Variants in ZNF487 observed in about 807,000 individuals in gnomAD.
The protein encoded by ZNF487 is zinc finger protein 487, also known as KRAB domain only 1.
In ZNF487, 4 loss-of-function variants were observed where a neutral mutation model predicts 3.0. That is an observed-to-expected ratio of 1.35 (90% confidence interval 0.66 to 3.08). The LOEUF is 3.08. Among genes scored for constraint, ZNF487 ranks in the 30% most tolerant of loss-of-function variants. The pLI, the probability that ZNF487 is intolerant of heterozygous loss-of-function variation, is 0.01. For missense variants in ZNF487, 146 were observed against 98.7 expected (o/e 1.48, Z -2.03); for synonymous variants, 55 against 34.6 (o/e 1.59, Z -2.06).
At chr10:43,518,673 C>A in the ZNF487 span, among the ~76,000 whole-genome samples, 4,270 of 152,178 alleles carry the variant, frequency 0.028, 96 homozygotes, top group South Asian at 0.041. Context: ...CACAATTGTC[C>A]CATAATAACA....
At chr10:43,456,100 A>T (rs549421818) in intron 1 of ZNF487, among the ~76,000 whole-genome samples, 1 of 152,092 alleles carries the variant, frequency 6.6e-6, no homozygotes, top group Non-Finnish European at 1.5e-5. Flanking sequence ...TTCATAATGG[A>T]GGGCTGCGGG....
chr10:43,521,860 C>T, the ZNF487 span, among the ~76,000 whole-genome samples: 3 of 150,850 alleles, frequency 2.0e-5, no homozygotes, highest in Non-Finnish European at 2.9e-5. Context: ...GTAATATATA[C>T]ACACGTATAT....
At chr10:43,523,255 T>A in the ZNF487 span, 1 of 152,314 alleles carries the variant, frequency 6.6e-6, no homozygotes, top group Non-Finnish European at 1.5e-5. Flanking sequence ...TCTGGAAAGT[T>A]GACCTGATGG....
intron 1 of ZNF487, among the ~76,000 whole-genome samples, chr10:43,443,833 T>C (rs1419152367): frequency 6.6e-6 from 1 of 150,950 alleles, no homozygotes; most frequent in African/African-American, 2.4e-5. Flanking sequence ...GGAGGAGTTG[T>C]CTTTTTGTAT....
At chr10:43,505,484 C>G in the ZNF487 span, among the ~76,000 whole-genome samples, 1 of 151,218 alleles carries the variant, frequency 6.6e-6, no homozygotes, top group South Asian at 2.1e-4. Flanking sequence ...GGGGTTTCAC[C>G]GTGTTAGTCA....
chr10:43,448,995 GA>G (rs928786631), intron 1 of ZNF487, among the ~76,000 whole-genome samples: 2,305 of 56,346 alleles, frequency 0.041, 19 homozygotes, highest in Non-Finnish European at 0.061. Flanking sequence ...ACCTGTCTCC[GA>G]AAAAAAAAAA....
At chr10:43,449,452 A>G (rs1839931224) in intron 1 of ZNF487, among the ~76,000 whole-genome samples, 1 of 152,194 alleles carries the variant, frequency 6.6e-6, no homozygotes, top group South Asian at 2.1e-4. Context: ...TCAACTCACT[A>G]TTTAAAGCTA....
chr10:43,495,125 T>C, the ZNF487 span, among the ~76,000 whole-genome samples: 1 of 152,010 alleles, frequency 6.6e-6, no homozygotes, highest in African/African-American at 2.4e-5. Flanking sequence ...TGTATCTTAA[T>C]ATAGCTCTAT....
At chr10:43,439,884 C>T (rs1207241360) in intron 1 of ZNF487, among the ~76,000 whole-genome samples, 1 of 152,022 alleles carries the variant, frequency 6.6e-6, no homozygotes, top group East Asian at 1.9e-4. Context: ...ATGGTGGTTG[C>T]TAGAGGCTGC....
intron 1 of ZNF487, among the ~76,000 whole-genome samples, chr10:43,471,866 A>C (rs1404369389): frequency 6.6e-6 from 1 of 152,228 alleles, no homozygotes; most frequent in Non-Finnish European, 1.5e-5. Context: ...AATGGTGGGC[A>C]TAACAGTGTA....
intron 1 of ZNF487, among the ~76,000 whole-genome samples, chr10:43,440,642 A>G (rs1839564978): frequency 6.6e-6 from 1 of 151,348 alleles, no homozygotes; most frequent in Admixed American, 6.6e-5. Flanking sequence ...TGGGCAACAG[A>G]GTGAGACTCT....
chr10:43,461,612 C>G (rs963667911), intron 1 of ZNF487, among the ~76,000 whole-genome samples: 1 of 152,112 alleles, frequency 6.6e-6, no homozygotes, highest in East Asian at 1.9e-4. Context: ...TGAGCCACTG[C>G]CCCCGGCCTT....
At chr10:43,456,077 C>T (rs537259103) in intron 1 of ZNF487, among the ~76,000 whole-genome samples, 63 of 152,274 alleles carry the variant, frequency 4.1e-4, no homozygotes, top group Admixed American at 1.7e-3. Context: ...AGTCAGGGTT[C>T]GTGGGCCCGC....
At chr10:43,461,495 AT>A (rs1347994279) in intron 1 of ZNF487, among the ~76,000 whole-genome samples, 2 of 150,760 alleles carry the variant, frequency 1.3e-5, no homozygotes, top group Non-Finnish European at 1.5e-5. Context: ...ACTTTTTTGT[AT>A]TTTTTTTAGA....
At chr10:43,507,068 T>C in the ZNF487 span, among the ~76,000 whole-genome samples, 2 of 152,172 alleles carry the variant, frequency 1.3e-5, no homozygotes, top group Admixed American at 6.5e-5. Context: ...AACATGAGGA[T>C]TGTTATTTGA....
In ZNF487 at chr10:43,441,034, A is replaced by ATTTTTTTTTTT. The variant is rs763451709; in HGVS notation, c.-94+3796_-94+3806dup. ...GGTAAATGCTACCACACCTGGTTAA[A>ATTTTTTTTTTT]TTTTTTTTTTTTTTTTTTTTTTTTT... On this transcript the variant is annotated intron_variant, in intron 1 of 3. Transcript: ENST00000437590. 4.1e-3 allele frequency among the ~76,000 whole-genome samples: 184 copies of ATTTTTTTTTTT among 44,550 alleles called. 38 individuals are homozygous for ATTTTTTTTTTT. The highest frequency in any genetic ancestry group is 0.011 in the East Asian group (12 of 1,110). 29.2% of individuals were successfully genotyped at this position (44,550 alleles called of 152,430 possible).
rs556175213 is a variant in ZNF487 at position 43,449,954 on chromosome 10, C to T, written c.-94+12692C>T. 2.6e-5 allele frequency among the ~76,000 whole-genome samples: 4 copies of T among 152,274 alleles called. No individual in the cohort carries two copies. In the South Asian group the frequency reaches 8.3e-4, roughly 32 times the overall value. On this transcript the variant is annotated intron_variant, in intron 1 of 3. Transcript: ENST00000437590. ...CTTGGCCCCCAAAGTGCTGTGATTA[C>T]AGGTGTGAGCCACCATGCCAGGCCT...
chr10:43,464,518 G>A (rs1399786030), intron 1 of ZNF487, among the ~76,000 whole-genome samples: 4 of 152,096 alleles, frequency 2.6e-5, no homozygotes, highest in Non-Finnish European at 4.4e-5. Context: ...AGGACCCTGC[G>A]GCCTTCCGCA....
chr10:43,493,695 G>GAA, the ZNF487 span, among the ~76,000 whole-genome samples: 312 of 41,186 alleles, frequency 7.6e-3, 5 homozygotes, highest in Non-Finnish European at 9.7e-3. Flanking sequence ...CTCAAAAAAA[G>GAA]AAAAAAAAAA....
Sources: allele counts gnomAD v4.1 joint callset (sites outside exome capture counted in the v4.1 genomes callset), GRCh38; gene constraint gnomAD v4.1.1; transcripts MANE v1.5; gene names NCBI Gene and HGNC (gene_info 2026-07-23, HGNC 2026-07-21).